Variants in GRB14 observed in about 807,000 individuals in gnomAD.
GRB14 encodes growth factor receptor-bound protein 14.
In GRB14, 38 loss-of-function variants were observed where a neutral mutation model predicts 69.1. That is an observed-to-expected ratio of 0.55 (90% CI 0.42 to 0.72). The LOEUF (loss-of-function observed/expected upper bound fraction) is 0.72. Ranked by LOEUF, GRB14 falls within the 30% of genes least tolerant of loss-of-function variation. The probability of loss-of-function intolerance (pLI) is 0.00; values close to 1 mark genes in which losing one functional copy is unlikely to be tolerated. For synonymous variants in GRB14, 247 were observed against 241.3 expected, an observed-to-expected ratio of 1.02 and a Z score of -0.22; for missense variants, 666 against 666.1, an observed-to-expected ratio of 1.00 and a Z score of 0.00.
chr2:164,621,153 G>A lies in GRB14; in HGVS notation c.157C>T (p.Leu53Phe). The A allele has an allele frequency of 8.0e-7, 1 of 1,245,200 alleles. No homozygotes were observed. The highest frequency in any genetic ancestry group is 1.0e-6 in the Non-Finnish European group (1 of 987,964). 77.1% of individuals were successfully genotyped at this position (1,245,200 alleles called of 1,614,324 possible). ...PWLHARALLP[L>F]PDGTRGCAAD... is the part of the protein sequence containing the mutation. ...GCACAGCCGCGGGTCCCGTCCGGAA[G>A]GGGCAGGAGCGCTCGCGCGTGCAGC... The change falls in exon 1 of 14, where the codon CTT becomes TTT. Residue 53 changes from leucine to phenylalanine, a missense_variant. Leu to Phe is a conservative substitution (Grantham distance 22, BLOSUM62 0). Transcript: ENST00000263915. This position sits in a 1 kb window ranked among gnomAD's most constrained non-coding sequence, Gnocchi z 6.0.
intron 2 of GRB14, among the ~76,000 whole-genome samples, chr2:164,600,947 C>T (rs1050096490): frequency 6.6e-6 from 1 of 151,936 alleles, no homozygotes. Flanking sequence ...CAAATCTCTA[C>T]CGTCTCTGCA....
chr2:164,507,189 T>C (rs779391927), intron 8 of GRB14, among the ~76,000 whole-genome samples: 1 of 152,194 alleles, frequency 6.6e-6, no homozygotes, highest in Non-Finnish European at 1.5e-5. Context: ...CTGTCCTTCT[T>C]TACCCTGATA....
At chr2:164,527,452 A>G (rs971662844) in intron 3 of GRB14, among the ~76,000 whole-genome samples, 3 of 151,696 alleles carry the variant, frequency 2.0e-5, no homozygotes, top group Non-Finnish European at 4.4e-5. Context: ...TGTAAATAAT[A>G]TAAGTTTGAT....
chr2:164,504,680 A>C (rs1687145096), intron 8 of GRB14, among the ~76,000 whole-genome samples: 1 of 152,196 alleles, frequency 6.6e-6, no homozygotes. Context: ...GCCATTATTG[A>C]AATGAACAGG....
intron 3 of GRB14, among the ~76,000 whole-genome samples, chr2:164,538,099 T>G (rs1255743500): frequency 6.6e-6 from 1 of 152,142 alleles, no homozygotes; most frequent in African/African-American, 2.4e-5. Context: ...GGCGATCACG[T>G]GGGCATAGCT....
At chr2:164,500,474 C>T (rs1687021492) in intron 9 of GRB14, among the ~76,000 whole-genome samples, 1 of 151,800 alleles carries the variant, frequency 6.6e-6, no homozygotes, top group African/African-American at 2.4e-5. Context: ...GAAAATAGTC[C>T]CCGGATGAAA....
intron 5 of GRB14, 125 bp downstream of exon 5, chr2:164,524,879 C>T (rs1553509265): frequency 3.6e-6 from 2 of 557,804 alleles, no homozygotes; most frequent in South Asian, 2.9e-5. Context: ...GTTTTACCTC[C>T]AGCAAAAAAT....
chr2:164,617,006 A>G (rs906913211), intron 2 of GRB14, among the ~76,000 whole-genome samples: 2 of 152,206 alleles, frequency 1.3e-5, no homozygotes, highest in Non-Finnish European at 2.9e-5. Flanking sequence ...TCACTTACAT[A>G]GAGTCATCTA....
intron 6 of GRB14, among the ~76,000 whole-genome samples, chr2:164,521,069 A>C (rs1687621045): frequency 6.6e-6 from 1 of 152,174 alleles, no homozygotes; most frequent in Non-Finnish European, 1.5e-5. Context: ...AGTTTATAGC[A>C]GCGCAATTCA....
chr2:164,581,021 G>A (rs1386945240), intron 2 of GRB14, among the ~76,000 whole-genome samples: 5 of 152,170 alleles, frequency 3.3e-5, no homozygotes, highest in Admixed American at 3.3e-4. Context: ...TCTACTACCA[G>A]TGCCTCTTCC....
intron 3 of GRB14, among the ~76,000 whole-genome samples, chr2:164,542,926 C>A (rs1394951213): frequency 1.3e-5 from 2 of 152,206 alleles, no homozygotes; most frequent in Non-Finnish European, 2.9e-5. Context: ...CACCTGCACT[C>A]TTACATTCAT....
At chr2:164,606,272 A>T (rs975002734) in intron 2 of GRB14, among the ~76,000 whole-genome samples, 1 of 152,128 alleles carries the variant, frequency 6.6e-6, no homozygotes, top group Non-Finnish European at 1.5e-5. Flanking sequence ...TTGCCCCTAG[A>T]AATCCCTTTT....
rs144801972 is a variant in GRB14, at chr2:164,508,540, G to A, written c.938C>T (p.Ala313Val). ...CATTTTCAGGTCTCGGGGCCCTCCC[G>A]CTTTGTTAGGCTAGAAGGCCACAGC... ...NYGFCFKPNK[A>V]GGPRDLKMLC... Residue 313 changes from alanine (A) to valine (V), a missense_variant, in exon 8 of 14, where the codon GCG (alanine) becomes GTG (valine). Transcript: ENST00000263915. The A allele has an allele frequency of 6.8e-5, 110 of 1,613,556 alleles. No homozygotes were observed. The highest frequency in any genetic ancestry group is 8.5e-5 in the Non-Finnish European group (100 of 1,179,850).
intron 2 of GRB14, among the ~76,000 whole-genome samples, chr2:164,607,888 T>C (rs1366088444): frequency 6.6e-6 from 1 of 152,188 alleles, no homozygotes; most frequent in East Asian, 1.9e-4. Context: ...CCAATTTTTT[T>C]CCTAAGATGC....
At chr2:164,522,951 T>C (rs1474887414) in intron 5 of GRB14, among the ~76,000 whole-genome samples, 1 of 151,980 alleles carries the variant, frequency 6.6e-6, no homozygotes, top group Non-Finnish European at 1.5e-5. Flanking sequence ...GCCCTTGGAA[T>C]CCAGCTGTCA....
intron 2 of GRB14, among the ~76,000 whole-genome samples, chr2:164,565,761 T>C (rs528134127): frequency 6.6e-6 from 1 of 152,326 alleles, no homozygotes; most frequent in African/African-American, 2.4e-5. Context: ...CAGATCCTAA[T>C]AGAATTTGGA....
At chr2:164,554,126 A>G (rs932851515) in intron 2 of GRB14, among the ~76,000 whole-genome samples, 5 of 152,144 alleles carry the variant, frequency 3.3e-5, no homozygotes, top group African/African-American at 1.2e-4. Context: ...TAAGTTAAAG[A>G]CTTTTGTGAT....
rs1049068771 is a variant in GRB14, at chr2:164,545,171, G to C, written c.481+2489C>G. Among the ~76,000 whole-genome samples, 11 of 152,200 alleles carry C rather than the reference G, an allele frequency of 7.2e-5. 1 individual carries two copies. Among genetic ancestry groups the C allele is most frequent in the Admixed American group, 5.9e-4 (9 of 15,280 alleles). On this transcript the variant is annotated intron_variant, in intron 3 of 13. Coordinates refer to ENST00000263915, the MANE Select transcript of GRB14 (RefSeq NM_004490.3). ...ACAAATTGAAGCAACTAATGGAGCTGTCACTGATAAATTATTTAAAATGAT... is the reference window on the plus strand; with the variant it reads ...ACAAATTGAAGCAACTAATGGAGCTCTCACTGATAAATTATTTAAAATGAT...
Position 164,621,329 on chromosome 2 carries a change from C to T in GRB14, c.-20G>A, listed in dbSNP as rs1690457690. ...GGTCATTGTCGCCGGCCGGGGGGCT[C>T]GGGCGTCATGGGAGACTCGGCGCGT... On this transcript the variant is annotated 5_prime_UTR_variant, in exon 1 of 14. Coordinates refer to ENST00000263915, the MANE Select transcript of GRB14 (RefSeq NM_004490.3). This position sits in a 1 kb window ranked among gnomAD's most constrained non-coding sequence, Gnocchi z 6.0. 2 of 1,279,986 alleles carry T rather than the reference C, an allele frequency of 1.6e-6. No homozygotes were observed. The highest frequency in any genetic ancestry group is 9.9e-7 in the Non-Finnish European group (1 of 1,013,494). The allele number at this position is 1,279,986 out of a possible 1,614,324, so 79.3% of individuals were successfully genotyped here. A position where few individuals can be genotyped will look rare whatever the true frequency, so the allele number is the denominator to read the frequency against.
Sources: allele counts gnomAD v4.1 joint callset (sites outside exome capture counted in the v4.1 genomes callset), GRCh38; gene constraint gnomAD v4.1.1; non-coding constraint Gnocchi (gnomAD v3.1); transcripts MANE v1.5; gene names NCBI Gene and HGNC (gene_info 2026-07-23, HGNC 2026-07-21).